The following OCA2 variants were observed in gnomAD, a reference collection of about 807,000 sequenced individuals.
The protein encoded by OCA2 is OCA2 melanosomal transmembrane protein, also known as P protein.
OCA2 carries 77 observed loss-of-function variants against 100.2 expected under a neutral mutation model. The ratio of observed to expected loss-of-function variants is 0.77; its 90% CI spans 0.64 to 0.93. The LOEUF is 0.93. Among genes scored for constraint, OCA2 ranks in the 40% least tolerant of loss-of-function variants. OCA2 has a pLI of 0.00. For synonymous variants in OCA2, 432 were observed against 439.2 expected (o/e 0.98, Z 0.21); for missense variants, 1,062 against 1,089.1 (o/e 0.98, Z 0.35).
intron 23 of OCA2, among the ~76,000 whole-genome samples, chr15:27,825,440 T>C (rs1429304115): frequency 2.0e-5 from 3 of 152,130 alleles, no homozygotes; most frequent in Non-Finnish European, 4.4e-5. Context: ...CTGAAAGTCT[T>C]CAGGACTGAG....
At position 27,910,972 on chromosome 15, in the gene OCA2, GA is replaced by G. The variant is rs537240914; in HGVS notation, c.2079+15154del. On this transcript the variant is annotated intron_variant, in intron 19 of 23. Transcript: ENST00000354638. ...CTCCATCTAAAAAAAAAGAAAGAAA[GA>G]AAAAAAAGAAAAGAAAAGAAATACA... Among the ~76,000 whole-genome samples, 122 of 150,734 alleles carry G rather than the reference GA, an allele frequency of 8.1e-4. 6 individuals are homozygous for G. In the South Asian group the frequency reaches 0.022, roughly 27 times the overall value.
chr15:27,992,330 A>C (rs2041583333), intron 9 of OCA2, among the ~76,000 whole-genome samples: 1 of 152,056 alleles, frequency 6.6e-6, no homozygotes, highest in South Asian at 2.1e-4. Flanking sequence ...CCAACTCCTG[A>C]CCTCAGGTGA....
intron 23 of OCA2, among the ~76,000 whole-genome samples, chr15:27,770,881 TGCTCC>T (rs1566949234): frequency 2.9e-4 from 18 of 61,582 alleles, no homozygotes; most frequent in African/African-American, 9.3e-4. Context: ...CTCCTTCCTT[TGCTCC>T]TTCCCATCTC....
chr15:28,065,188 T>A, intron 2 of OCA2, among the ~76,000 whole-genome samples: 1 of 152,156 alleles, frequency 6.6e-6, no homozygotes, highest in East Asian at 1.9e-4. Flanking sequence ...CCACTGAGAC[T>A]AAGATTAAGC....
chr15:27,731,072 C>T, the OCA2 span, among the ~76,000 whole-genome samples: 1 of 152,072 alleles, frequency 6.6e-6, no homozygotes, highest in Non-Finnish European at 1.5e-5. Context: ...AGCAGAATGG[C>T]ATTCTCAGTT....
At chr15:27,762,759 C>T (rs919694411) in intron 23 of OCA2, among the ~76,000 whole-genome samples, 1 of 152,154 alleles carries the variant, frequency 6.6e-6, no homozygotes, top group Non-Finnish European at 1.5e-5. Flanking sequence ...CTTTCTGGGC[C>T]TAAGTCTTAA....
At chr15:27,976,555 T>C (rs1264936902) in intron 14 of OCA2, among the ~76,000 whole-genome samples, 1 of 152,198 alleles carries the variant, frequency 6.6e-6, no homozygotes, top group African/African-American at 2.4e-5. Context: ...GTAAATTACA[T>C]TGATTAATAT....
intron 7 of OCA2, among the ~76,000 whole-genome samples, chr15:28,017,513 C>A (rs2042435603): frequency 6.6e-6 from 1 of 152,234 alleles, no homozygotes; most frequent in Non-Finnish European, 1.5e-5. Context: ...GTGCTTTTCA[C>A]ACAGGGAACC....
intron 9 of OCA2, among the ~76,000 whole-genome samples, chr15:28,011,313 TA>T (rs1230453853): frequency 6.6e-6 from 1 of 151,986 alleles, no homozygotes; most frequent in Non-Finnish European, 1.5e-5. Flanking sequence ...AAAAAAATTT[TA>T]AAACTTAGCC....
At chr15:27,831,415 C>T (rs139963152) in intron 23 of OCA2, among the ~76,000 whole-genome samples, 1 of 152,132 alleles carries the variant, frequency 6.6e-6, no homozygotes, top group African/African-American at 2.4e-5. Flanking sequence ...AGAGCAAAGG[C>T]GTCGACAGCG....
intron 16 of OCA2, among the ~76,000 whole-genome samples, chr15:27,956,934 G>A (rs1278840553): frequency 1.3e-5 from 2 of 152,184 alleles, no homozygotes; most frequent in Non-Finnish European, 2.9e-5. Context: ...ATTTCCCCTT[G>A]CCTAGATGGA....
intron 22 of OCA2, among the ~76,000 whole-genome samples, chr15:27,846,086 A>G (rs905275712): frequency 1.3e-5 from 2 of 152,070 alleles, no homozygotes; most frequent in Non-Finnish European, 2.9e-5. Context: ...AGGCTGCCCC[A>G]GGCCTTTCTG....
At chr15:27,812,346 C>G (rs1400977881) in intron 23 of OCA2, among the ~76,000 whole-genome samples, 1 of 152,088 alleles carries the variant, frequency 6.6e-6, no homozygotes, top group Admixed American at 6.6e-5. Flanking sequence ...CTGGGCAAGT[C>G]AGGAGCACAG....
At chr15:27,857,532 C>A (rs928477716) in intron 21 of OCA2, among the ~76,000 whole-genome samples, 1 of 151,920 alleles carries the variant, frequency 6.6e-6, no homozygotes, top group African/African-American at 2.4e-5. Flanking sequence ...CTAAACTGTA[C>A]ACTTAAAAAT....
chr15:28,001,453 A>AG (rs2041922090), intron 9 of OCA2, among the ~76,000 whole-genome samples: 6 of 152,108 alleles, frequency 3.9e-5, no homozygotes, highest in Admixed American at 3.9e-4. Context: ...GTGGAAGGAG[A>AG]GGAGGGTGTG....
In OCA2 at chr15:27,957,452, G is replaced by A; in HGVS notation, c.1784+136C>T. ...GAGCTCAGTGAGGGTTAGATAAAATGTACTATAAGAGGCTTAGCACAGTGT... is the reference window on the plus strand; with the variant it reads ...GAGCTCAGTGAGGGTTAGATAAAATATACTATAAGAGGCTTAGCACAGTGT... On this transcript the variant is annotated intron_variant, in intron 16 of 23. Coordinates refer to ENST00000354638, the MANE Select transcript of OCA2 (RefSeq NM_000275.3). This position sits in a 1 kb window ranked among gnomAD's most constrained non-coding sequence, Gnocchi z 4.3. The A allele has an allele frequency of 9.6e-7, 1 of 1,044,550 alleles. No individual in the cohort carries two copies. The highest frequency in any genetic ancestry group is 1.5e-6 in the Non-Finnish European group (1 of 684,782). 64.7% of individuals were successfully genotyped at this position (1,044,550 alleles called of 1,614,324 possible). A position where few individuals can be genotyped will look rare whatever the true frequency, so the allele number is the denominator to read the frequency against.
At chr15:27,759,797 T>C (rs1225951994) in intron 23 of OCA2, among the ~76,000 whole-genome samples, 1 of 152,152 alleles carries the variant, frequency 6.6e-6, no homozygotes, top group Admixed American at 6.5e-5. Context: ...CTGTAATTCA[T>C]GGAAGAACTA....
In OCA2 at chr15:27,919,852, A is replaced by G. The variant is rs2038794993; in HGVS notation, c.2079+6275T>C. Among the ~76,000 whole-genome samples the G allele has an allele frequency of 1.3e-5, 2 of 152,178 alleles. 1 individual carries two copies. Among genetic ancestry groups the G allele is most frequent in the South Asian group, 4.1e-4 (2 of 4,822 alleles). ...TACCACTGTGATGGAGGAAGTTGATAATGGGGGAAGCTATGCATGTGTGGG... is the reference window on the plus strand; with the variant it reads ...TACCACTGTGATGGAGGAAGTTGATGATGGGGGAAGCTATGCATGTGTGGG... On this transcript the variant is annotated intron_variant, in intron 19 of 23. Coordinates refer to ENST00000354638, the MANE Select transcript of OCA2 (RefSeq NM_000275.3).
At chr15:28,083,187 T>A (rs1261228536) in intron 1 of OCA2, among the ~76,000 whole-genome samples, 2 of 152,162 alleles carry the variant, frequency 1.3e-5, no homozygotes, top group African/African-American at 4.8e-5. Context: ...GGACCCAGGA[T>A]GAAAGGAGTT....
Sources: allele counts gnomAD v4.1 joint callset (sites outside exome capture counted in the v4.1 genomes callset), GRCh38; gene constraint gnomAD v4.1.1; non-coding constraint Gnocchi (gnomAD v3.1); transcripts MANE v1.5; gene names NCBI Gene and HGNC (gene_info 2026-07-23, HGNC 2026-07-21).